The following IRS1 variants were observed in gnomAD, a reference collection of about 807,000 sequenced individuals.
IRS1 encodes the protein insulin receptor substrate 1.
A neutral mutation model predicts 65.6 loss-of-function variants in IRS1; 34 were observed. The observed-to-expected ratio is 0.52, with a 90% CI of 0.39 to 0.69. The LOEUF (loss-of-function observed/expected upper bound fraction) is 0.69, where lower values mean the gene tolerates loss of function less well. IRS1 is among the 30% of genes least tolerant of loss of function. IRS1 has a pLI of 0.00. For synonymous variants in IRS1, 699 were observed against 683.5 expected (o/e 1.02, Z -0.35); for missense variants, 1,641 against 1,720.2 (o/e 0.95, Z 0.81).
chr2:226,759,367 G>A (rs555387883), intron 1 of IRS1, among the ~76,000 whole-genome samples: 2 of 152,166 alleles, frequency 1.3e-5, no homozygotes, highest in Non-Finnish European at 1.5e-5. Flanking sequence ...CTTAATAAAG[G>A]GTCAAATAAG....
At chr2:226,773,539 G>T (rs758716242) in intron 1 of IRS1, among the ~76,000 whole-genome samples, 1 of 149,846 alleles carries the variant, frequency 6.7e-6, no homozygotes, top group Non-Finnish European at 1.5e-5. Flanking sequence ...CGGTGAGAGA[G>T]AAAGAAAAAT....
chr2:226,797,942 G>C lies in IRS1; in HGVS notation c.797C>G (p.Pro266Arg). 6.2e-7 allele frequency: 1 copy of C among 1,614,074 alleles called. No homozygotes were observed. Among genetic ancestry groups the C allele is most frequent in the Non-Finnish European group, 8.5e-7 (1 of 1,180,016 alleles). ...AMRAMSDEFR[P>R]RSKSQSSSNC... Reference sequence around the variant, plus strand: ...GGACGAGGACTGGCTCTTGCTGCGAGGGCGGAACTCATCACTCATGGCCCG... The same window carrying C: ...GGACGAGGACTGGCTCTTGCTGCGACGGCGGAACTCATCACTCATGGCCCG... The change falls in exon 1 of 2, where the codon CCT (proline) becomes CGT (arginine). Residue 266 changes from proline (P) to arginine (R), a missense_variant. Coordinates refer to ENST00000305123, the MANE Select transcript of IRS1 (RefSeq NM_005544.3). The surrounding 1 kb of genome is among the most constrained non-coding windows in gnomAD (Gnocchi z 8.1).
intron 1 of IRS1, among the ~76,000 whole-genome samples, chr2:226,744,157 A>G (rs1243490503): frequency 1.3e-5 from 2 of 152,130 alleles, no homozygotes; most frequent in Admixed American, 1.3e-4. Context: ...CATTAACACC[A>G]CTGACATCAC....
rs561284003 is a variant in IRS1, at chr2:226,773,916, C to A, written c.*21+21073G>T. 7.9e-5 allele frequency among the ~76,000 whole-genome samples: 12 copies of A among 152,298 alleles called. No individual in the cohort carries two copies. The East Asian group carries it at 2.1e-3, about 27-fold the overall frequency. ...TGTTGAAAGACTGTATAAATATGAT[C>A]CTCAAGCCCTTTTAGCTAATTGGAT... On this transcript the variant is annotated intron_variant, in intron 1 of 1. Transcript: ENST00000305123.
chr2:226,735,243 T>G lies in IRS1; in HGVS notation c.*1029A>C, dbSNP rs918859089. On this transcript the variant is annotated 3_prime_UTR_variant, in exon 2 of 2. Coordinates refer to ENST00000305123, the MANE Select transcript of IRS1 (RefSeq NM_005544.3). The stretch of plus-strand genomic sequence containing the variant: ...GAAGAAAAGATCAACAGTATCTAGT[T>G]TATTATGAATAGAAAGACATTTCCA... 6.6e-6 allele frequency: 1 copy of G among 152,200 alleles called. No homozygotes were observed. The highest frequency in any genetic ancestry group is 1.5e-5 in the Non-Finnish European group (1 of 68,030). 9.4% of individuals were successfully genotyped at this position (152,200 alleles called of 1,614,324 possible). A position where few individuals can be genotyped will look rare whatever the true frequency, so the allele number is the denominator to read the frequency against.
chr2:226,766,755 G>A (rs1249121412), intron 1 of IRS1, among the ~76,000 whole-genome samples: 1 of 152,118 alleles, frequency 6.6e-6, no homozygotes, highest in East Asian at 1.9e-4. Context: ...GAATATTTTT[G>A]TGTCTTCTGC....
chr2:226,798,783 A>G lies in IRS1; in HGVS notation c.-45T>C. The G allele has an allele frequency of 6.3e-7, 1 of 1,583,312 alleles. No homozygotes were observed. Among genetic ancestry groups the G allele is most frequent in the East Asian group, 2.3e-5 (1 of 42,950 alleles). On this transcript the variant is annotated 5_prime_UTR_variant, in exon 1 of 2. Coordinates refer to ENST00000305123, the MANE Select transcript of IRS1 (RefSeq NM_005544.3). This position sits in a 1 kb window ranked among gnomAD's most constrained non-coding sequence, Gnocchi z 9.4. ...ACGCTGAGCAGAGGGAGGCTCCGAA[A>G]AACAACCGGGTGGGGGGCGGAGGCT...
chr2:226,766,227 G>A (rs186011069), intron 1 of IRS1, among the ~76,000 whole-genome samples: 3,103 of 132,364 alleles, frequency 0.023, 39 homozygotes, highest in Non-Finnish European at 0.035. Context: ...GCAGTGGCAC[G>A]ATCTCGGCTC....
intron 1 of IRS1, among the ~76,000 whole-genome samples, chr2:226,744,908 T>C (rs549161612): frequency 4.6e-5 from 7 of 152,188 alleles, no homozygotes; most frequent in African/African-American, 1.7e-4. Context: ...GAGAAGAATT[T>C]GATCTGGGAT....
rs1421077417 is a variant in IRS1 at position 226,731,820 on chromosome 2, G to T, written c.*4452C>A. The T allele has an allele frequency of 6.6e-6, 1 of 151,928 alleles. No individual in the cohort carries two copies. Among genetic ancestry groups the T allele is most frequent in the Non-Finnish European group, 1.5e-5 (1 of 68,002 alleles). 9.4% of individuals were successfully genotyped at this position (151,928 alleles called of 1,614,324 possible). On this transcript the variant is annotated 3_prime_UTR_variant, in exon 2 of 2. Coordinates refer to ENST00000305123, the MANE Select transcript of IRS1 (RefSeq NM_005544.3). ...TTGGGAACTACATTCTTAAGCCAAT[G>T]GTGAAGTTCTAAAAAGAAAAAGAAA...
rs768932529 is a variant in IRS1, at chr2:226,797,469, C to T, written c.1270G>A (p.Gly424Ser). The change falls in exon 1 of 2, where the codon GGT (glycine) becomes AGT (serine). Residue 424 changes from glycine to serine, a missense_variant. By Grantham distance (56) the Gly-to-Ser change is moderately conservative. Coordinates refer to ENST00000305123, the MANE Select transcript of IRS1 (RefSeq NM_005544.3). The surrounding 1 kb of genome is among the most constrained non-coding windows in gnomAD (Gnocchi z 8.1). ...ASVSGSPSDG[G>S]FISSDEYGSS... ...CCATACTCATCCGAGGAGATGAAAC[C>T]GCCATCGCTGGGGGAACCAGACACC... 11 of 1,613,504 alleles carry T rather than the reference C, an allele frequency of 6.8e-6. No individual in the cohort carries two copies. Among genetic ancestry groups the T allele is most frequent in the Non-Finnish European group, 7.6e-6 (9 of 1,179,982 alleles).
intron 1 of IRS1, among the ~76,000 whole-genome samples, chr2:226,788,767 C>A (rs546810232): frequency 3.3e-5 from 5 of 152,266 alleles, no homozygotes; most frequent in African/African-American, 1.2e-4. Flanking sequence ...ATTATTATAT[C>A]ATACTAACGT....
intron 1 of IRS1, among the ~76,000 whole-genome samples, chr2:226,782,406 T>G (rs868158816): frequency 2.0e-5 from 3 of 152,206 alleles, no homozygotes; most frequent in African/African-American, 4.8e-5. Context: ...CCATTTGCAT[T>G]TGCTTTCCAA....
Position 226,734,259 on chromosome 2 carries a change from C to A in IRS1, c.*2013G>T, listed in dbSNP as rs1028441300. 1.4e-4 allele frequency: 21 copies of A among 152,148 alleles called. No individual in the cohort carries two copies. The highest frequency in any genetic ancestry group is 4.8e-4 in the African/African-American group (20 of 41,446). 9.4% of individuals were successfully genotyped at this position (152,148 alleles called of 1,614,324 possible). ...TCAGATTTTCAAAATGGGTAGTGCT[C>A]TCTACTAATAGGAAATGATGTAATT... On this transcript the variant is annotated 3_prime_UTR_variant, in exon 2 of 2. Coordinates refer to ENST00000305123, the MANE Select transcript of IRS1 (RefSeq NM_005544.3).
At chr2:226,769,284 C>T (rs1939118201) in intron 1 of IRS1, among the ~76,000 whole-genome samples, 1 of 152,148 alleles carries the variant, frequency 6.6e-6, no homozygotes, top group Admixed American at 6.5e-5. Flanking sequence ...CAACTAAGGC[C>T]ATCAGCCTTG....
At chr2:226,738,239 C>T (rs80118334) in intron 1 of IRS1, among the ~76,000 whole-genome samples, 8,029 of 152,252 alleles carry the variant, frequency 0.053, 383 homozygotes, top group East Asian at 0.19. Context: ...TAGGGTGGAG[C>T]AAAAGCAATT....
intron 1 of IRS1, among the ~76,000 whole-genome samples, chr2:226,781,855 C>T (rs1350266010): frequency 6.9e-6 from 1 of 145,784 alleles, no homozygotes; most frequent in Non-Finnish European, 1.5e-5. Context: ...CCCTCCTCCT[C>T]ACCCCTAAAT....
chr2:226,741,159 A>G lies in IRS1; in HGVS notation c.*22-4909T>C, dbSNP rs1938428884. Among the ~76,000 whole-genome samples the G allele has an allele frequency of 2.6e-5, 4 of 152,304 alleles. No individual in the cohort carries two copies. The South Asian group carries it at 8.3e-4, about 32-fold the overall frequency. ...TACTTAAAGGATTTGAACTTTTAAA[A>G]TGCTGCATTTAATGTCCCCTCAAAA... On this transcript the variant is annotated intron_variant, in intron 1 of 1. Transcript: ENST00000305123.
Position 226,797,591 on chromosome 2 carries a change from G to T in IRS1, c.1148C>A (p.Ser383Ter). Residue 383 changes from serine (S) to a stop codon, truncating the protein, a stop_gained, in exon 1 of 2, where the codon TCG becomes TAG. Transcript: ENST00000305123. LOFTEE classifies it high-confidence loss of function. The surrounding 1 kb of genome is among the most constrained non-coding windows in gnomAD (Gnocchi z 8.1). Reference protein sequence around the residue: ...RSIPMPASRCSPSATSPVSLS... With the variant: ...RSIPMPASRC Reference sequence around the variant, plus strand: ...ACTGACCGGGCTGGTGGCCGAAGGCGAGCAGCGGGAAGCCGGCATGGGGAT... The same window carrying T: ...ACTGACCGGGCTGGTGGCCGAAGGCTAGCAGCGGGAAGCCGGCATGGGGAT... 1 of 1,590,314 alleles carries T rather than the reference G, an allele frequency of 6.3e-7. No individual in the cohort carries two copies.
Sources: gnomAD v4.1 joint callset for allele counts (sites outside exome capture counted in the v4.1 genomes callset) on GRCh38, gnomAD v4.1.1 for gene constraint, Gnocchi (gnomAD v3.1) non-coding constraint, MANE v1.5 for transcripts, NCBI Gene and HGNC (gene_info 2026-07-23, HGNC 2026-07-21) for gene names.